Variants in PDZRN3 observed in about 807,000 individuals in gnomAD.
PDZRN3 encodes the protein E3 ubiquitin-protein ligase PDZRN3.
In PDZRN3, 38 loss-of-function variants were observed where a neutral mutation model predicts 85.7. The ratio of observed to expected loss-of-function variants is 0.44; its 90% CI spans 0.34 to 0.58. The LOEUF (loss-of-function observed/expected upper bound fraction) is 0.58. Ranked by LOEUF, PDZRN3 falls within the 20% of genes least tolerant of loss-of-function variation. The pLI, the probability that PDZRN3 is intolerant of heterozygous loss-of-function variation, is 0.01. For missense variants in PDZRN3, 1,629 were observed against 1,506.4 expected, an observed-to-expected ratio of 1.08 and a Z score of -1.35; for synonymous variants, 759 against 638.0, an observed-to-expected ratio of 1.19 and a Z score of -2.86.
At chr3:73,499,965 G>C (rs1703945354) in intron 3 of PDZRN3, among the ~76,000 whole-genome samples, 1 of 152,088 alleles carries the variant, frequency 6.6e-6, no homozygotes, top group Non-Finnish European at 1.5e-5. Flanking sequence ...TTATTGTTGT[G>C]GTTGTTATTG....
intron 5 of PDZRN3, among the ~76,000 whole-genome samples, chr3:73,395,717 G>A (rs548163109): frequency 5.6e-4 from 86 of 152,262 alleles, no homozygotes; most frequent in African/African-American, 1.9e-3. Context: ...TGCTATGTGG[G>A]ATACAGAAAT....
chr3:73,521,897 C>G (rs1376854634), intron 3 of PDZRN3, among the ~76,000 whole-genome samples: 2 of 152,162 alleles, frequency 1.3e-5, no homozygotes, highest in African/African-American at 4.8e-5. Context: ...CTCTCCCTCT[C>G]TGTTTTGTCA....
At chr3:73,437,914 T>C (rs565947817) in intron 3 of PDZRN3, among the ~76,000 whole-genome samples, 11 of 152,174 alleles carry the variant, frequency 7.2e-5, no homozygotes, top group Non-Finnish European at 1.2e-4. Flanking sequence ...GCAAAGAAAG[T>C]CTGTTAGTGA....
intron 3 of PDZRN3, among the ~76,000 whole-genome samples, chr3:73,541,785 A>C (rs1315972041): frequency 6.6e-6 from 1 of 152,192 alleles, no homozygotes; most frequent in Non-Finnish European, 1.5e-5. Flanking sequence ...AGTATTTTAC[A>C]CTGTGGTGTT....
At chr3:73,541,389 T>C (rs1247312564) in intron 3 of PDZRN3, among the ~76,000 whole-genome samples, 1 of 152,236 alleles carries the variant, frequency 6.6e-6, no homozygotes, top group Non-Finnish European at 1.5e-5. Context: ...GTGGTCTAAA[T>C]TCTTGATACA....
chr3:73,383,413 C>A lies in PDZRN3; in HGVS notation c.3153G>T (p.Pro1051=). The A allele has an allele frequency of 6.2e-7, 1 of 1,613,870 alleles. No homozygotes were observed. The highest frequency in any genetic ancestry group is 8.5e-7 in the Non-Finnish European group (1 of 1,179,844). ...AGGAATTGTATACTCTAGTGCCGTC[C>A]GGGGATTTTGTGCCGTGGGTTAAGA... ...QELLTHGTKS[P]DGTRVYNSFL... Residue 1051 remains proline (P), a synonymous_variant, in exon 10 of 10, where the codon CCG becomes CCT. Transcript: ENST00000263666.
At chr3:73,558,022 T>C (rs1202916433) in intron 3 of PDZRN3, among the ~76,000 whole-genome samples, 1 of 152,138 alleles carries the variant, frequency 6.6e-6, no homozygotes, top group Non-Finnish European at 1.5e-5. Flanking sequence ...GTATTTTCTA[T>C]AAAATGAAAA....
intron 3 of PDZRN3, among the ~76,000 whole-genome samples, chr3:73,454,735 A>G (rs1033980174): frequency 1.1e-4 from 17 of 152,214 alleles, no homozygotes; most frequent in Non-Finnish European, 2.1e-4. Context: ...ATTGAGAATA[A>G]GGAGGTTCTC....
rs1262099204 is a variant in PDZRN3 at position 73,383,406 on chromosome 3, T to A, written c.3160A>T (p.Thr1054Ser). Residue 1054 changes from threonine (T) to serine (S), a missense_variant, in exon 10 of 10, where the codon ACT becomes TCT. Transcript: ENST00000263666. ...LTHGTKSPDG[T>S]RVYNSFLSVT... The stretch of plus-strand genomic sequence containing the variant: ...GATAGGAAGGAATTGTATACTCTAG[T>A]GCCGTCCGGGGATTTTGTGCCGTGG... The A allele has an allele frequency of 6.2e-7, 1 of 1,613,880 alleles. No individual in the cohort carries two copies. The highest frequency in any genetic ancestry group is 2.2e-5 in the East Asian group (1 of 44,884).
intron 3 of PDZRN3, among the ~76,000 whole-genome samples, chr3:73,538,676 G>A (rs1033147894): frequency 6.6e-6 from 1 of 152,112 alleles, no homozygotes; most frequent in Non-Finnish European, 1.5e-5. Flanking sequence ...GCAATATAGA[G>A]CACTTAAGAG....
At chr3:73,618,349 G>T (rs961932566) in intron 1 of PDZRN3, among the ~76,000 whole-genome samples, 1 of 152,102 alleles carries the variant, frequency 6.6e-6, no homozygotes, top group African/African-American at 2.4e-5. Context: ...TTCAGAGAAG[G>T]GCACCGCCCC....
chr3:73,549,052 G>C (rs530232707), intron 3 of PDZRN3, among the ~76,000 whole-genome samples: 27 of 152,258 alleles, frequency 1.8e-4, no homozygotes, highest in African/African-American at 6.5e-4. Context: ...ATGGTTGGTG[G>C]CATATCTCTT....
chr3:73,469,555 C>T (rs1318520420), intron 3 of PDZRN3, among the ~76,000 whole-genome samples: 4 of 152,140 alleles, frequency 2.6e-5, no homozygotes, highest in Admixed American at 6.5e-5. Flanking sequence ...TTACAATCAC[C>T]GTTCATGTAG....
At chr3:73,465,191 T>C (rs1189066016) in intron 3 of PDZRN3, among the ~76,000 whole-genome samples, 4 of 152,182 alleles carry the variant, frequency 2.6e-5, no homozygotes, top group Non-Finnish European at 5.9e-5. Context: ...AATCCATCAC[T>C]TTATCTCCGG....
chr3:73,529,089 G>A (rs1704594259), intron 3 of PDZRN3, among the ~76,000 whole-genome samples: 1 of 152,068 alleles, frequency 6.6e-6, no homozygotes, highest in Non-Finnish European at 1.5e-5. Flanking sequence ...TAGGGCTGTG[G>A]AGCAAGGATT....
intron 3 of PDZRN3, among the ~76,000 whole-genome samples, chr3:73,479,792 G>A (rs1225015586): frequency 1.3e-5 from 2 of 152,116 alleles, no homozygotes; most frequent in East Asian, 1.9e-4. Flanking sequence ...ATGTGGTGGG[G>A]ACTCACGTTC....
intron 3 of PDZRN3, among the ~76,000 whole-genome samples, chr3:73,509,158 C>T (rs2106702565): frequency 6.6e-6 from 1 of 152,310 alleles, no homozygotes; most frequent in South Asian, 2.1e-4. Flanking sequence ...CAGGCTTACT[C>T]TGTTATTTCC....
Position 73,382,548 on chromosome 3 carries a change from CATG to C in PDZRN3, c.*814_*816del, listed in dbSNP as rs1236871704. On this transcript the variant is annotated 3_prime_UTR_variant, in exon 10 of 10. Transcript: ENST00000263666. ...CTTCATTTTACTGTTTGTAACTAAT[CATG>C]ATTTTGTGAACTTGCCTGTATAAGT... The C allele has an allele frequency of 6.6e-6, 1 of 152,424 alleles. No homozygotes were observed. The highest frequency in any genetic ancestry group is 2.4e-5 in the African/African-American group (1 of 41,416). The allele number at this position is 152,424 out of a possible 1,614,324, so 9.4% of individuals were successfully genotyped here. A position where few individuals can be genotyped will look rare whatever the true frequency, so the allele number is the denominator to read the frequency against.
intron 3 of PDZRN3, among the ~76,000 whole-genome samples, chr3:73,550,566 G>A (rs1420931878): frequency 6.6e-6 from 1 of 152,208 alleles, no homozygotes; most frequent in African/African-American, 2.4e-5. Context: ...GACCTGCCCT[G>A]TGCAGCTTCA....
Sources: gnomAD v4.1 joint callset for allele counts (sites outside exome capture counted in the v4.1 genomes callset) on GRCh38, gnomAD v4.1.1 for gene constraint, MANE v1.5 for transcripts, NCBI Gene and HGNC (gene_info 2026-07-23, HGNC 2026-07-21) for gene names.